Variants in FAT1 observed in about 807,000 individuals in gnomAD.
FAT1 encodes the protein FAT atypical cadherin 1.
In FAT1, 171 loss-of-function variants were observed where a neutral mutation model predicts 329.8. The observed-to-expected ratio is 0.52, with a 90% CI of 0.46 to 0.59. The LOEUF (loss-of-function observed/expected upper bound fraction) is 0.59, where lower values mean the gene tolerates loss of function less well. Among genes scored for constraint, FAT1 ranks in the 20% least tolerant of loss-of-function variants. FAT1 has a pLI of 0.00. For missense variants in FAT1, 5,672 were observed against 5,774.4 expected, an observed-to-expected ratio of 0.98 and a Z score of 0.57; for synonymous variants, 2,233 against 2,228.6, an observed-to-expected ratio of 1.00 and a Z score of -0.06.
At chr4:186,590,320 C>G in intron 26 of FAT1, 9 of 1,225,990 alleles carry the variant, frequency 7.3e-6, no homozygotes, top group Non-Finnish European at 9.7e-6. Context: ...AAGGCTTGAC[C>G]CATTGTTTTT....
chr4:186,632,330 C>T (rs796912188), intron 7 of FAT1, among the ~76,000 whole-genome samples: 3 of 152,266 alleles, frequency 2.0e-5, no homozygotes, highest in African/African-American at 7.2e-5. Flanking sequence ...TATGAAGCTC[C>T]TTTTGTTAGA....
In FAT1 at chr4:186,621,203, G is replaced by A. The variant is rs769432838; in HGVS notation, c.5383C>T (p.Arg1795Ter). ...LTDRNVPLVI[R>*]AADADKDSNA... ...GAGTCTTTATCAGCATCAGCTGCTCGAATCACCAGTGGGACATTCCTGTCT... is the reference window on the plus strand; with the variant it reads ...GAGTCTTTATCAGCATCAGCTGCTCAAATCACCAGTGGGACATTCCTGTCT... The change falls in exon 10 of 27, where the codon CGA becomes TGA. Residue 1795 changes from arginine (R) to a stop codon, truncating the protein, a stop_gained. Transcript: ENST00000441802. LOFTEE classifies it high-confidence loss of function. 3.7e-6 allele frequency: 6 copies of A among 1,613,840 alleles called. No homozygotes were observed. The highest frequency in any genetic ancestry group is 2.7e-5 in the African/African-American group (2 of 74,924).
At position 186,595,788 on chromosome 4, in the gene FAT1, G is replaced by C; in HGVS notation, c.13039C>G (p.Pro4347Ala). 6.2e-7 allele frequency: 1 copy of C among 1,613,978 alleles called. No individual in the cohort carries two copies. Among genetic ancestry groups the C allele is most frequent in the South Asian group, 1.1e-5 (1 of 91,076 alleles). ...VDLDPCLSKK[P>A]LEEKPSQPYS... ...GGCTGGGAAGGCTTTTCCTCTAGAG[G>C]CTTCTTGGAAAGACAGGGATCAAGA... Residue 4347 changes from proline (P) to alanine (A), a missense_variant, in exon 26 of 27, where the codon CCT (proline) becomes GCT (alanine). By Grantham distance (27) the Pro-to-Ala change is conservative. Transcript: ENST00000441802.
chr4:186,638,073 A>C (rs1284079575), intron 4 of FAT1, among the ~76,000 whole-genome samples: 1 of 150,164 alleles, frequency 6.7e-6, no homozygotes, highest in African/African-American at 2.5e-5. Context: ...TTCAAGAACC[A>C]GTAGCTAGTC....
chr4:186,613,290 A>G lies in FAT1; in HGVS notation c.9282T>C (p.His3094=), dbSNP rs1257463971. 3 of 1,613,910 alleles carry G rather than the reference A, an allele frequency of 1.9e-6. No homozygotes were observed. The African/African-American group carries it at 4.0e-5, about 22-fold the overall frequency. ...CTCCATCTGTGGCCCTGACGAGAAG[A>G]TGATAAACAGCTTGCTCCTCACGAT... The part of the protein sequence containing the change: ...PLDREEQAVY[H]LLVRATDGGG... The change falls in exon 13 of 27, where the codon CAT becomes CAC. Residue 3094 remains histidine, a synonymous_variant. Transcript: ENST00000441802.
intron 26 of FAT1, among the ~76,000 whole-genome samples, chr4:186,590,200 G>C (rs1738168936): frequency 6.6e-6 from 1 of 151,676 alleles, no homozygotes; most frequent in African/African-American, 2.4e-5. Context: ...AGAGGCGGGA[G>C]AAGGTTAGGC....
At chr4:186,641,615 CGCAAATACTTATGA>C (rs1741101051) in intron 3 of FAT1, among the ~76,000 whole-genome samples, 1 of 152,146 alleles carries the variant, frequency 6.6e-6, no homozygotes, top group South Asian at 2.1e-4. Context: ...AACAGCACTG[CGCAAATACTTATGA>C]GCAAATACAA....
intron 3 of FAT1, among the ~76,000 whole-genome samples, chr4:186,661,794 C>T (rs1479717583): frequency 6.6e-6 from 1 of 152,094 alleles, no homozygotes; most frequent in Admixed American, 6.6e-5. Flanking sequence ...GTTTCGGAGG[C>T]CTGGGCTTGA....
chr4:186,711,151 C>T (rs989508731), intron 1 of FAT1, among the ~76,000 whole-genome samples: 7 of 152,102 alleles, frequency 4.6e-5, no homozygotes, highest in African/African-American at 1.7e-4. Flanking sequence ...GAAATTGGTA[C>T]GACAACATTA....
In FAT1 at chr4:186,611,525, G is replaced by A. The variant is rs749426106; in HGVS notation, c.9714C>T (p.Thr3238=). ...PVFEYREYGA[T]VSEDILVGTE... ...TTCCAACAAGAATGTCCTCAGACACGGTGGCACCATATTCACGGTACTCAA... is the reference window on the plus strand; with the variant it reads ...TTCCAACAAGAATGTCCTCAGACACAGTGGCACCATATTCACGGTACTCAA... The change falls in exon 14 of 27, where the codon ACC becomes ACT. Residue 3238 remains threonine (T), a synonymous_variant. Transcript: ENST00000441802. 42 of 1,613,792 alleles carry A rather than the reference G, an allele frequency of 2.6e-5. 1 individual carries two copies. The Middle Eastern group carries it at 4.9e-4, about 19-fold the overall frequency.
Position 186,708,331 on chromosome 4 carries a change from T to C in FAT1, c.1497A>G (p.Thr499=), listed in dbSNP as rs1396285052. Residue 499 remains threonine (T), a synonymous_variant, in exon 2 of 27, where the codon ACA becomes ACG. Transcript: ENST00000441802. The part of the protein sequence containing the change: ...DPDEGENGYV[T]YSIANLNHVP... The stretch of plus-strand genomic sequence containing the variant: ...CATGATTTAAATTTGCGATACTGTA[T>C]GTCACGTACCCGTTCTCACCCTCAT... 1.2e-6 allele frequency: 2 copies of C among 1,613,952 alleles called. No homozygotes were observed. Among genetic ancestry groups the C allele is most frequent in the South Asian group, 1.1e-5 (1 of 91,084 alleles).
rs2126428125 is a variant in FAT1 at position 186,603,431 on chromosome 4, C to A, written c.11095G>T (p.Glu3699Ter). The A allele has an allele frequency of 6.2e-7, 1 of 1,613,964 alleles. No individual in the cohort carries two copies. The highest frequency in any genetic ancestry group is 8.5e-7 in the Non-Finnish European group (1 of 1,179,896). The change falls in exon 19 of 27, where the codon GAG becomes TAG. Residue 3699 changes from glutamate (E) to a stop codon, truncating the protein, a stop_gained. Coordinates refer to ENST00000441802, the MANE Select transcript of FAT1 (RefSeq NM_005245.4). LOFTEE classifies it high-confidence loss of function. ...HPHLDVLLFVEKPGSAQISTK... is the reference protein window; with the variant it reads ...HPHLDVLLFV ...GAGATCTGAGCACTACCTGGTTTCTCTACAAAAAGTAAGACGTCCAGATGT... is the reference window on the plus strand; with the variant it reads ...GAGATCTGAGCACTACCTGGTTTCTATACAAAAAGTAAGACGTCCAGATGT...
chr4:186,617,130 G>C lies in FAT1; in HGVS notation c.8950C>G (p.Leu2984Val). ...NEWKVYVKKPLDREKRDNYLL... is the reference protein window; with the variant it reads ...NEWKVYVKKPVDREKRDNYLL... ...TAATTGTCCCTTTTTTCCCTGTCTA[G>C]AGGTTTCTTCACATATACCTTCCAT... Residue 2984 changes from leucine to valine, a missense_variant, in exon 11 of 27, where the codon CTA becomes GTA. Around this residue, in one of 2 missense-constraint regions of FAT1, gnomAD observed 3,966 missense variants for 3,915.2 expected, o/e 1.01. Coordinates refer to ENST00000441802, the MANE Select transcript of FAT1 (RefSeq NM_005245.4). The C allele has an allele frequency of 1.2e-6, 2 of 1,613,856 alleles. No individual in the cohort carries two copies. The highest frequency in any genetic ancestry group is 1.7e-6 in the Non-Finnish European group (2 of 1,179,810).
intron 4 of FAT1, among the ~76,000 whole-genome samples, chr4:186,639,145 T>C (rs1002245606): frequency 5.3e-5 from 8 of 152,224 alleles, no homozygotes; most frequent in African/African-American, 1.9e-4. Flanking sequence ...TGAGAAGCCT[T>C]ATTAGAACTT....
At chr4:186,600,589 TTAAC>T (rs1738765846) in intron 21 of FAT1, among the ~76,000 whole-genome samples, 1 of 152,348 alleles carries the variant, frequency 6.6e-6, no homozygotes, top group East Asian at 1.9e-4. Flanking sequence ...AAGCGAATAA[TTAAC>T]TATTAACTGA....
rs2126394378 is a variant in FAT1, at chr4:186,597,066, C to T, written c.12474G>A (p.Arg4158=). ...GCGCAGCATCCTCGCAGTGACGTCC[C>T]CTGTACTCGTGGCTGCAGTTGCAGT... ...SYHCNCSHEY[R]GRHCEDAAPN... The change falls in exon 25 of 27, where the codon AGG becomes AGA. Residue 4158 remains arginine, a synonymous_variant. Coordinates refer to ENST00000441802, the MANE Select transcript of FAT1 (RefSeq NM_005245.4). 1 of 1,614,010 alleles carries T rather than the reference C, an allele frequency of 6.2e-7. No homozygotes were observed. Among genetic ancestry groups the T allele is most frequent in the African/African-American group, 1.3e-5 (1 of 75,044 alleles).
intron 5 of FAT1, 53 bp downstream of exon 5, chr4:186,636,532 A>G: frequency 6.7e-7 from 1 of 1,484,360 alleles, no homozygotes; most frequent in Non-Finnish European, 9.1e-7. Flanking sequence ...AATACAAAAT[A>G]AGGTTTATAG....
At position 186,706,971 on chromosome 4, in the gene FAT1, C is replaced by G. The variant is rs1196972484; in HGVS notation, c.2857G>C (p.Asp953His). The G allele has an allele frequency of 6.2e-7, 1 of 1,614,018 alleles. No individual in the cohort carries two copies. Among genetic ancestry groups the G allele is most frequent in the Non-Finnish European group, 8.5e-7 (1 of 1,179,896 alleles). Reference protein sequence around the residue: ...GTVIMWLEAHDPDLGQSGQVR... With the variant: ...GTVIMWLEAHHPDLGQSGQVR... ...TGACCAGACTGACCTAAATCAGGAT[C>G]GTGGGCTTCTAACCACATGATGACG... Residue 953 changes from aspartate (D) to histidine (H), a missense_variant, in exon 2 of 27, where the codon GAT becomes CAT. Around this residue, in one of 2 missense-constraint regions of FAT1, gnomAD observed 3,966 missense variants for 3,915.2 expected, o/e 1.01. Transcript: ENST00000441802.
Position 186,618,378 on chromosome 4 carries a change from G to T in FAT1, c.8208C>A (p.Ser2736Arg), listed in dbSNP as rs2126494317. 6.2e-7 allele frequency: 1 copy of T among 1,613,996 alleles called. No individual in the cohort carries two copies. The highest frequency in any genetic ancestry group is 8.5e-7 in the Non-Finnish European group (1 of 1,179,892). Residue 2736 changes from serine (S) to arginine (R), a missense_variant, in exon 10 of 27, where the codon AGC becomes AGA. Ser to Arg is a moderately radical substitution (Grantham distance 110). Coordinates refer to ENST00000441802, the MANE Select transcript of FAT1 (RefSeq NM_005245.4). The stretch of plus-strand genomic sequence containing the variant: ...TTTCTGGAGTATTCCCTTTGACCAG[G>T]CTGTAAAGAACAGTCCCACTATGTT... ...RAEHSGTVLY[S>R]LVKGNTPESN...
Sources: allele counts gnomAD v4.1 joint callset (sites outside exome capture counted in the v4.1 genomes callset), GRCh38; gene constraint gnomAD v4.1.1; regional missense constraint gnomAD v4.1.1; transcripts MANE v1.5; gene names NCBI Gene and HGNC (gene_info 2026-07-23, HGNC 2026-07-21).